The following LAMA2 variants were observed in gnomAD, a reference collection of about 807,000 sequenced individuals.
LAMA2 encodes laminin subunit alpha-2.
A neutral mutation model predicts 364.8 loss-of-function variants in LAMA2; 269 were observed. The observed-to-expected ratio is 0.74, with a 90% CI of 0.67 to 0.82. LAMA2 has a LOEUF of 0.82. Ranked by LOEUF, LAMA2 falls within the 40% of genes least tolerant of loss-of-function variation. The pLI is 0.00. For synonymous variants in LAMA2, 1,379 were observed against 1,370.6 expected (o/e 1.01, Z -0.14); for missense variants, 3,807 against 3,873.2 (o/e 0.98, Z 0.45).
intron 8 of LAMA2, chr6:129,158,958 T>C (rs1407540463): frequency 1.9e-6 from 3 of 1,589,488 alleles, no homozygotes; most frequent in South Asian, 2.2e-5. Flanking sequence ...AAAGGCAAGG[T>C]ATCCTCTGGT....
chr6:129,283,537 TCTC>T (rs1788880932), intron 18 of LAMA2, among the ~76,000 whole-genome samples: 1 of 151,714 alleles, frequency 6.6e-6, no homozygotes, highest in Non-Finnish European at 1.5e-5. Flanking sequence ...TTTAACAACT[TCTC>T]CTTAAGTGAT....
intron 12 of LAMA2, among the ~76,000 whole-genome samples, chr6:129,194,312 G>A (rs1279688121): frequency 6.6e-6 from 1 of 151,926 alleles, no homozygotes; most frequent in East Asian, 1.9e-4. Context: ...AATTAAAGTA[G>A]CTTATAATAG....
At chr6:129,174,211 T>C (rs563151231) in intron 9 of LAMA2, among the ~76,000 whole-genome samples, 58 of 152,204 alleles carry the variant, frequency 3.8e-4, no homozygotes, top group South Asian at 4.1e-4. Context: ...TTTTCTTCAT[T>C]TGTATGATTT....
chr6:129,375,594 T>A (rs551360469), intron 34 of LAMA2, among the ~76,000 whole-genome samples: 62 of 152,302 alleles, frequency 4.1e-4, no homozygotes, highest in African/African-American at 1.4e-3. Context: ...CTCTCTGTTT[T>A]TCTCTTAATT....
intron 58 of LAMA2, among the ~76,000 whole-genome samples, chr6:129,500,703 A>C (rs1310835049): frequency 2.0e-5 from 3 of 152,038 alleles, no homozygotes; most frequent in Non-Finnish European, 4.4e-5. Context: ...ACAACAAAAT[A>C]AAAACAAACC....
chr6:129,480,385 A>G (rs1784286560), intron 54 of LAMA2, among the ~76,000 whole-genome samples: 1 of 152,174 alleles, frequency 6.6e-6, no homozygotes, highest in African/African-American at 2.4e-5. Flanking sequence ...TAGCAAATTC[A>G]TAAAGTAGAA....
chr6:129,282,363 C>T (rs751044821), intron 18 of LAMA2, among the ~76,000 whole-genome samples: 1 of 152,168 alleles, frequency 6.6e-6, no homozygotes, highest in Non-Finnish European at 1.5e-5. Context: ...ACTTTATAGT[C>T]TTTATCACAA....
At chr6:129,116,975 AC>A (rs1368815950) in intron 4 of LAMA2, among the ~76,000 whole-genome samples, 1 of 151,722 alleles carries the variant, frequency 6.6e-6, no homozygotes, top group Non-Finnish European at 1.5e-5. Context: ...TAAAATGACA[AC>A]AAAAAATTAA....
At chr6:129,194,170 C>T (rs1196108433) in intron 12 of LAMA2, among the ~76,000 whole-genome samples, 1 of 151,380 alleles carries the variant, frequency 6.6e-6, no homozygotes, top group Non-Finnish European at 1.5e-5. Flanking sequence ...ATTTCTACTG[C>T]TTAAAATTGC....
intron 4 of LAMA2, 26 bp from the exon 5 acceptor site, chr6:129,143,873 TTG>T: frequency 6.7e-7 from 1 of 1,496,348 alleles, no homozygotes; most frequent in Non-Finnish European, 9.2e-7. Flanking sequence ...GAAAACATAA[TTG>T]TTAAATTATT....
intron 37 of LAMA2, among the ~76,000 whole-genome samples, chr6:129,393,542 G>C (rs1779440916): frequency 6.6e-6 from 1 of 152,194 alleles, no homozygotes; most frequent in Non-Finnish European, 1.5e-5. Context: ...TCTTTACAGG[G>C]AGTCAGGCGA....
In LAMA2 at chr6:129,513,310, C is replaced by G. The variant is rs530500501; in HGVS notation, c.8988+817C>G. Among the ~76,000 whole-genome samples, 3 of 152,274 alleles carry G rather than the reference C, an allele frequency of 2.0e-5. No homozygotes were observed. The South Asian group carries it at 6.2e-4, about 32-fold the overall frequency. On this transcript the variant is annotated intron_variant, in intron 63 of 64. Coordinates refer to ENST00000421865, the MANE Select transcript of LAMA2 (RefSeq NM_000426.4). ...TAATATAGGAAAAAAGATCCACCAG[C>G]TTAGAGGTAAAAAGGAGTGAACAAA...
chr6:129,167,103 A>G (rs1052818617), intron 9 of LAMA2, among the ~76,000 whole-genome samples: 4 of 152,044 alleles, frequency 2.6e-5, no homozygotes, highest in African/African-American at 9.7e-5. Flanking sequence ...TCTTCAACCT[A>G]TTTATCCCAG....
intron 34 of LAMA2, among the ~76,000 whole-genome samples, chr6:129,381,315 T>C (rs1472618240): frequency 6.6e-6 from 1 of 151,422 alleles, no homozygotes; most frequent in African/African-American, 2.4e-5. Context: ...TCCAAAGCAG[T>C]TTAGACTACG....
intron 4 of LAMA2, among the ~76,000 whole-genome samples, chr6:129,131,946 T>C (rs1026390995): frequency 6.6e-6 from 1 of 152,130 alleles, no homozygotes; most frequent in African/African-American, 2.4e-5. Flanking sequence ...TCCATCACGT[T>C]CTTCTGTTTT....
chr6:129,414,776 T>A (rs533276400), intron 40 of LAMA2, among the ~76,000 whole-genome samples: 14 of 152,198 alleles, frequency 9.2e-5, no homozygotes, highest in Non-Finnish European at 2.1e-4. Context: ...AGGCTGATAA[T>A]TGCAAGCAAC....
chr6:129,513,001 AGT>A (rs1327291636), intron 63 of LAMA2, among the ~76,000 whole-genome samples: 2 of 152,224 alleles, frequency 1.3e-5, no homozygotes, highest in African/African-American at 4.8e-5. Flanking sequence ...TTATAAAAGT[AGT>A]GTGTCAGTTT....
At position 129,487,504 on chromosome 6, in the gene LAMA2, C is replaced by T. The variant is rs893797127; in HGVS notation, c.7898+882C>T. Among the ~76,000 whole-genome samples the T allele has an allele frequency of 2.0e-5, 3 of 152,072 alleles. No individual in the cohort carries two copies. In the South Asian group the frequency reaches 6.2e-4, roughly 32 times the overall value. On this transcript the variant is annotated intron_variant, in intron 56 of 64. Coordinates refer to ENST00000421865, the MANE Select transcript of LAMA2 (RefSeq NM_000426.4). ...AAGACATAGAAAAGAACTGGAAATC[C>T]AATTTGATGAGGCCTCAAAACACAG... is the stretch of plus-strand genomic sequence containing the variant.
Position 129,516,404 on chromosome 6 carries a change from A to AAAC in LAMA2, c.*60_*62dup. On this transcript the variant is annotated 3_prime_UTR_variant, in exon 65 of 65. Transcript: ENST00000421865. ...TCAAAACAAGTATATCAAGTAAAAC[A>AAAC]AACAAATATATTTTACCTATATATG... The AAAC allele has an allele frequency of 1.3e-6, 2 of 1,523,620 alleles. No individual in the cohort carries two copies. The highest frequency in any genetic ancestry group is 1.7e-4 in the Middle Eastern group (1 of 5,928). The allele number at this position is 1,523,620 out of a possible 1,614,324, so 94.4% of individuals were successfully genotyped here. A position where few individuals can be genotyped will look rare whatever the true frequency, so the allele number is the denominator to read the frequency against.
Sources: allele counts gnomAD v4.1 joint callset (sites outside exome capture counted in the v4.1 genomes callset), GRCh38; gene constraint gnomAD v4.1.1; transcripts MANE v1.5; gene names NCBI Gene and HGNC (gene_info 2026-07-23, HGNC 2026-07-21).